Variants in KMT2E observed in about 807,000 individuals in gnomAD.
The protein encoded by KMT2E is histone reader KMT2E.
KMT2E carries 30 observed loss-of-function variants against 184.6 expected under a neutral mutation model. The ratio of observed to expected loss-of-function variants is 0.16; its 90% CI spans 0.12 to 0.22. The LOEUF is 0.22. Among genes scored for constraint, KMT2E ranks in the 10% least tolerant of loss-of-function variants. The probability of loss-of-function intolerance (pLI) is 1.00; values close to 1 mark genes in which losing one functional copy is unlikely to be tolerated. For synonymous variants in KMT2E, 815 were observed against 776.5 expected, an observed-to-expected ratio of 1.05 and a Z score of -0.82; for missense variants, 2,023 against 2,237.4, an observed-to-expected ratio of 0.90 and a Z score of 1.93.
chr7:105,106,913 C>G, intron 20 of KMT2E, 141 bp downstream of exon 20: 1 of 868,778 alleles, frequency 1.2e-6, no homozygotes, highest in Non-Finnish European at 1.7e-6. Context: ...CAGAAAAATT[C>G]ATTTATATGA....
At position 105,048,965 on chromosome 7, in the gene KMT2E, CT is replaced by C. The variant is rs746230226; in HGVS notation, c.71+7945del. The stretch of plus-strand genomic sequence containing the variant: ...AGCAAGTACTATTTCAATGGTATGA[CT>C]TTCTTTAAATATAATTAGGTAGAGG... On this transcript the variant is annotated intron_variant, in intron 3 of 26. Coordinates refer to ENST00000311117, the MANE Select transcript of KMT2E (RefSeq NM_182931.3). 3.3e-5 allele frequency among the ~76,000 whole-genome samples: 5 copies of C among 152,094 alleles called. No individual in the cohort carries two copies. The East Asian group carries it at 5.8e-4, about 18-fold the overall frequency.
chr7:105,057,467 A>G (rs2129566741), intron 3 of KMT2E, among the ~76,000 whole-genome samples: 1 of 152,144 alleles, frequency 6.6e-6, no homozygotes, highest in South Asian at 2.1e-4. Flanking sequence ...GTTTTGATAC[A>G]GAGTCTCACT....
chr7:105,114,787 A>AATG lies in KMT2E; in HGVS notation c.*1458_*1460dup, dbSNP rs1193079372. 1.3e-5 allele frequency among the ~76,000 whole-genome samples: 2 copies of AATG among 152,194 alleles called. No individual in the cohort carries two copies. Among genetic ancestry groups the AATG allele is most frequent in the African/African-American group, 2.4e-5 (1 of 41,454 alleles). On this transcript the variant is annotated 3_prime_UTR_variant, in exon 27 of 27. Transcript: ENST00000311117. ...ATTTATTTCCTTTTGAAAATTAGCT[A>AATG]ATGATGGTACATTAACGCAGCTCAC...
chr7:105,089,066 T>C (rs1272549772), intron 13 of KMT2E, among the ~76,000 whole-genome samples: 1 of 152,276 alleles, frequency 6.6e-6, no homozygotes, highest in African/African-American at 2.4e-5. Flanking sequence ...TCTGCCTTAA[T>C]GTTTTGTGTA....
rs768389492 is a variant in KMT2E at position 105,107,369 on chromosome 7, A to G, written c.2912A>G (p.Asp971Gly). ...TTTTTAATTTGTAAACAGGGATATG[A>G]CAGATCTTCAACCATGTTAACATTG... ...KRRTYSQEGY[D>G]RSSTMLTLGP... Residue 971 changes from aspartate (D) to glycine (G), a missense_variant, in exon 22 of 27, where the codon GAC (aspartate) becomes GGC (glycine). By Grantham distance (94) the Asp-to-Gly change is moderately conservative. Coordinates refer to ENST00000311117, the MANE Select transcript of KMT2E (RefSeq NM_182931.3). The G allele has an allele frequency of 1.9e-6, 3 of 1,583,192 alleles. No homozygotes were observed. In the South Asian group the frequency reaches 3.5e-5, roughly 18 times the overall value.
intron 13 of KMT2E, chr7:105,089,339 C>T (rs997763354): frequency 1.1e-5 from 4 of 355,544 alleles, no homozygotes; most frequent in Admixed American, 7.8e-5. Flanking sequence ...GCCAGGATTA[C>T]AGGTGCCTGC....
intron 13 of KMT2E, among the ~76,000 whole-genome samples, chr7:105,087,240 A>G (rs1798016354): frequency 6.8e-6 from 1 of 146,680 alleles, no homozygotes; most frequent in Non-Finnish European, 1.5e-5. Context: ...CATATATATA[A>G]AGAGATACCA....
At chr7:105,087,717 C>A (rs552898948) in intron 13 of KMT2E, among the ~76,000 whole-genome samples, 22 of 151,802 alleles carry the variant, frequency 1.4e-4, no homozygotes, top group Non-Finnish European at 2.9e-5. Context: ...AATTACCACG[C>A]CCAGCCTCCC....
intron 13 of KMT2E, among the ~76,000 whole-genome samples, chr7:105,086,120 G>C (rs367844257): frequency 1.3e-5 from 2 of 152,040 alleles, no homozygotes; most frequent in Non-Finnish European, 1.5e-5. Flanking sequence ...AGATTAACCT[G>C]CATTGTGTGT....
At chr7:105,040,436 A>C (rs965914170) in intron 2 of KMT2E, among the ~76,000 whole-genome samples, 1 of 152,216 alleles carries the variant, frequency 6.6e-6, no homozygotes, top group Non-Finnish European at 1.5e-5. Context: ...TAAATAGACC[A>C]TCCATGTAAA....
intron 3 of KMT2E, among the ~76,000 whole-genome samples, chr7:105,053,124 G>A (rs1224717706): frequency 6.6e-5 from 10 of 152,108 alleles, no homozygotes; most frequent in Admixed American, 6.6e-4. Flanking sequence ...TCAGTATATT[G>A]AATGCTAAGT....
At chr7:105,084,586 C>T (rs1473558757) in intron 13 of KMT2E, among the ~76,000 whole-genome samples, 3 of 151,492 alleles carry the variant, frequency 2.0e-5, no homozygotes. Flanking sequence ...AAGATCGGAC[C>T]ACTGCACTCC....
chr7:105,111,164 A>T, intron 26 of KMT2E: 1 of 293,608 alleles, frequency 3.4e-6, no homozygotes, highest in Non-Finnish European at 6.3e-6. Flanking sequence ...TAGCCTTGTC[A>T]TGAAATTCTT....
intron 3 of KMT2E, among the ~76,000 whole-genome samples, chr7:105,059,978 G>GTTGTTTTTTTTTTTTTTTTTTTTTTT (rs1796734822): frequency 1.9e-5 from 1 of 51,764 alleles, no homozygotes; most frequent in African/African-American, 5.8e-5. Flanking sequence ...TCTTGTTGTT[G>GTTGTTTTTTTTTTTTTTTTTTTTTTT]TTTTTTTTTT....
Position 105,113,133 on chromosome 7 carries a change from C to A in KMT2E, c.5377C>A (p.Pro1793Thr), listed in dbSNP as rs2129570286. The change falls in exon 27 of 27, where the codon CCT (proline) becomes ACT (threonine). Residue 1793 changes from proline to threonine, a missense_variant. By Grantham distance (38) the Pro-to-Thr change is conservative. Transcript: ENST00000311117. ...ACATTGTCCATTACCTGTCACAGGT[C>A]CTCATCTCCAGCCCCAAGGACCAAA... ...GPHCPLPVTG[P>T]HLQPQGPNSI... The A allele has an allele frequency of 6.2e-7, 1 of 1,614,196 alleles. No individual in the cohort carries two copies.
rs907067122 is a variant in KMT2E, at chr7:105,110,655, CAA to C, written c.3970+54_3970+55del. On this transcript the variant is annotated intron_variant, in intron 25 of 26. Transcript: ENST00000311117. ...ATTCTTAACAAATTTTAAAATCAGACAAGAGAGCCTTTATAAAAAGTTGGTTT... is the reference window on the plus strand; with the variant it reads ...ATTCTTAACAAATTTTAAAATCAGACGAGAGCCTTTATAAAAAGTTGGTTT... The C allele has an allele frequency of 2.1e-5, 33 of 1,608,998 alleles. No homozygotes were observed. The South Asian group carries it at 2.6e-4, about 13-fold the overall frequency.
chr7:105,110,621 G>A lies in KMT2E; in HGVS notation c.3970+19G>A, dbSNP rs762931720. ...ATGGAAGGTCAGTAAGCAGATGACC[G>A]ATAATGTTATTCTTAACAAATTTTA... On this transcript the variant is annotated intron_variant, in intron 25 of 26. Transcript: ENST00000311117. 1.7e-5 allele frequency: 28 copies of A among 1,613,570 alleles called. No homozygotes were observed. The highest frequency in any genetic ancestry group is 1.1e-4 in the South Asian group (10 of 91,052).
intron 11 of KMT2E, among the ~76,000 whole-genome samples, chr7:105,078,236 A>C (rs1797612038): frequency 6.6e-6 from 1 of 152,230 alleles, no homozygotes; most frequent in Non-Finnish European, 1.5e-5. Flanking sequence ...AATCTTGTGA[A>C]TGCAGTAGTC....
At chr7:105,024,082 TG>T (rs1442848875) in intron 1 of KMT2E, among the ~76,000 whole-genome samples, 1 of 152,226 alleles carries the variant, frequency 6.6e-6, no homozygotes, top group Non-Finnish European at 1.5e-5. Context: ...TGAATTTGGA[TG>T]ATAATTTAAT....
Sources: gnomAD v4.1 joint callset for allele counts (sites outside exome capture counted in the v4.1 genomes callset) on GRCh38, gnomAD v4.1.1 for gene constraint, MANE v1.5 for transcripts, NCBI Gene and HGNC (gene_info 2026-07-23, HGNC 2026-07-21) for gene names.